Variants in LPCAT2 observed in about 807,000 individuals in gnomAD.
LPCAT2 encodes lysophosphatidylcholine acyltransferase 2, also known as 1-AGP acyltransferase 11.
LPCAT2 carries 58 observed loss-of-function variants against 64.7 expected under a neutral mutation model. The observed-to-expected ratio is 0.90, with a 90% CI of 0.73 to 1.12. LPCAT2 has a LOEUF of 1.12. Ranked by LOEUF, LPCAT2 falls within the 50% of genes most tolerant of loss-of-function variation. The probability of loss-of-function intolerance (pLI) is 0.00; values close to 1 mark genes in which losing one functional copy is unlikely to be tolerated. For missense variants in LPCAT2, 579 were observed against 669.8 expected (o/e 0.86, Z 1.50); for synonymous variants, 252 against 245.3 (o/e 1.03, Z -0.26).
At chr16:55,547,919 C>T (rs1408459704) in intron 9 of LPCAT2, among the ~76,000 whole-genome samples, 1 of 152,096 alleles carries the variant, frequency 6.6e-6, no homozygotes, top group African/African-American at 2.4e-5. Flanking sequence ...AGGCGCCCAC[C>T]ATCATGCTCA....
intron 1 of LPCAT2, among the ~76,000 whole-genome samples, chr16:55,513,403 C>T (rs1232486729): frequency 1.3e-5 from 2 of 151,640 alleles, no homozygotes; most frequent in African/African-American, 4.9e-5. Flanking sequence ...GAAGATAGGT[C>T]ACTAGAAATT....
intron 10 of LPCAT2, among the ~76,000 whole-genome samples, chr16:55,550,690 C>A (rs541562940): frequency 6.6e-6 from 1 of 152,038 alleles, no homozygotes; most frequent in Non-Finnish European, 1.5e-5. Flanking sequence ...CCGAGGCAGG[C>A]GGATCACGAG....
chr16:55,576,573 A>G (rs566436294), intron 12 of LPCAT2, among the ~76,000 whole-genome samples: 5 of 152,182 alleles, frequency 3.3e-5, no homozygotes, highest in African/African-American at 1.2e-4. Flanking sequence ...CTCCCTGGCC[A>G]CTGCAGTTAA....
chr16:55,561,790 A>G (rs1221777517), intron 11 of LPCAT2, among the ~76,000 whole-genome samples: 2 of 151,966 alleles, frequency 1.3e-5, no homozygotes. Flanking sequence ...TTCTTTTGTG[A>G]TACTTTTGCT....
In LPCAT2 at chr16:55,558,789, C is replaced by T. The variant is rs138380938; in HGVS notation, c.1215+7687C>T. ...TAAAACTGTATTTGCAAAACAGGCC[C>T]AGATTGGATTTGGCCCACCAGCTGT... is the stretch of plus-strand genomic sequence containing the variant. On this transcript the variant is annotated intron_variant, in intron 11 of 13. Coordinates refer to ENST00000262134, the MANE Select transcript of LPCAT2 (RefSeq NM_017839.5). 4.8e-3 allele frequency among the ~76,000 whole-genome samples: 735 copies of T among 152,228 alleles called. 3 individuals are homozygous for T. The highest frequency in any genetic ancestry group is 8.6e-3 in the Non-Finnish European group (586 of 67,998).
intron 11 of LPCAT2, 93 bp downstream of exon 11, chr16:55,551,195 AG>A: frequency 4.3e-6 from 5 of 1,155,240 alleles, no homozygotes; most frequent in Non-Finnish European, 5.9e-6. Context: ...TTGATAGGTC[AG>A]TGTTAGAAGA....
At chr16:55,541,997 G>A in intron 8 of LPCAT2, 4 of 1,155,554 alleles carry the variant, frequency 3.5e-6, no homozygotes, top group South Asian at 1.5e-5. Flanking sequence ...TCTGTTACAA[G>A]GAAAAAATAA....
At chr16:55,540,122 G>T (rs754866960) in intron 8 of LPCAT2, 3 of 152,002 alleles carry the variant, frequency 2.0e-5, no homozygotes, top group Non-Finnish European at 4.4e-5. Flanking sequence ...TAATATTTAG[G>T]AATATTTTCT....
At chr16:55,562,864 C>G (rs1476783073) in intron 11 of LPCAT2, among the ~76,000 whole-genome samples, 1 of 151,750 alleles carries the variant, frequency 6.6e-6, no homozygotes, top group Non-Finnish European at 1.5e-5. Flanking sequence ...TTCCAATAAC[C>G]TCTGGAGGAC....
At chr16:55,554,752 A>G (rs560285996) in intron 11 of LPCAT2, among the ~76,000 whole-genome samples, 1 of 152,156 alleles carries the variant, frequency 6.6e-6, no homozygotes, top group African/African-American at 2.4e-5. Context: ...AAGCTTAATC[A>G]TTTCTAGCTT....
In LPCAT2 at chr16:55,529,846, G is replaced by A. The variant is rs567527508; in HGVS notation, c.541G>A (p.Ala181Thr). The A allele has an allele frequency of 1.2e-6, 2 of 1,609,452 alleles. No homozygotes were observed. Among genetic ancestry groups the A allele is most frequent in the East Asian group, 4.5e-5 (2 of 44,824 alleles). Residue 181 changes from alanine (A) to threonine (T), a missense_variant, in exon 4 of 14, where the codon GCT (alanine) becomes ACT (threonine). Coordinates refer to ENST00000262134, the MANE Select transcript of LPCAT2 (RefSeq NM_017839.5). ...QVPLIGRLLR[A>T]VQPVLVSRVD... ...CATTTGTTTTAAAGGACTGTTACGG[G>A]CTGTGCAACCAGTTTTGGTGTCCCG... is the stretch of plus-strand genomic sequence containing the variant.
At chr16:55,520,589 C>T (rs1963081140) in intron 1 of LPCAT2, among the ~76,000 whole-genome samples, 1 of 151,854 alleles carries the variant, frequency 6.6e-6, no homozygotes, top group Admixed American at 6.6e-5. Context: ...TTAATGCTTA[C>T]CGACATAGAC....
intron 9 of LPCAT2, 134 bp from the exon 10 acceptor site, chr16:55,549,143 C>G (rs180791622): frequency 3.3e-6 from 2 of 610,166 alleles, no homozygotes; most frequent in East Asian, 3.6e-5. Flanking sequence ...TCAAGAAAAG[C>G]GAGAGTTACT....
intron 11 of LPCAT2, among the ~76,000 whole-genome samples, chr16:55,559,549 C>T (rs1363779228): frequency 6.6e-6 from 1 of 152,070 alleles, no homozygotes; most frequent in Non-Finnish European, 1.5e-5. Flanking sequence ...CTGTAGTGTG[C>T]AGGTTTTCTG....
chr16:55,562,095 TGAGA>T (rs1404434706), intron 11 of LPCAT2, among the ~76,000 whole-genome samples: 13 of 151,982 alleles, frequency 8.6e-5, no homozygotes, highest in African/African-American at 3.1e-4. Context: ...CAATTACTTG[TGAGA>T]GAGACTCTGC....
At chr16:55,556,635 T>C (rs1467656450) in intron 11 of LPCAT2, among the ~76,000 whole-genome samples, 2 of 151,710 alleles carry the variant, frequency 1.3e-5, no homozygotes, top group African/African-American at 4.8e-5. Flanking sequence ...AAAAATTAGG[T>C]GGGCGTGGTG....
intron 4 of LPCAT2, among the ~76,000 whole-genome samples, 187 bp downstream of exon 4, chr16:55,530,134 A>G (rs554844291): frequency 6.6e-6 from 1 of 152,242 alleles, no homozygotes; most frequent in African/African-American, 2.4e-5. Flanking sequence ...GAGATACTCT[A>G]TGGAATTAAA....
chr16:55,567,626 T>A, intron 11 of LPCAT2: 1 of 948,914 alleles, frequency 1.1e-6, no homozygotes, highest in Non-Finnish European at 1.6e-6. Flanking sequence ...TTCACAACCC[T>A]ACATATTTCT....
chr16:55,522,494 T>C (rs1963111300), intron 1 of LPCAT2, among the ~76,000 whole-genome samples: 4 of 151,644 alleles, frequency 2.6e-5, no homozygotes, highest in Admixed American at 1.3e-4. Flanking sequence ...CTAAAACTTA[T>C]ATGGAAATGC....
Sources: gnomAD v4.1 joint callset for allele counts (sites outside exome capture counted in the v4.1 genomes callset) on GRCh38, gnomAD v4.1.1 for gene constraint, MANE v1.5 for transcripts, NCBI Gene and HGNC (gene_info 2026-07-23, HGNC 2026-07-21) for gene names.